Variants in IVD observed in about 807,000 individuals in gnomAD.
IVD encodes isovaleryl-CoA dehydrogenase.
A neutral mutation model predicts 51.3 loss-of-function variants in IVD; 31 were observed. That is an observed-to-expected ratio of 0.60 (90% confidence interval 0.45 to 0.81). The LOEUF (loss-of-function observed/expected upper bound fraction) is 0.81. Ranked by LOEUF, IVD falls within the 40% of genes least tolerant of loss-of-function variation. IVD has a pLI of 0.00. For missense variants in IVD, 475 were observed against 552.0 expected, an observed-to-expected ratio of 0.86 and a Z score of 1.40; for synonymous variants, 205 against 219.4, an observed-to-expected ratio of 0.93 and a Z score of 0.58.
At chr15:40,424,066 G>A (rs1420506410), downstream of IVD, 2 of 1,025,894 alleles carry the variant, frequency 1.9e-6, no homozygotes, top group Non-Finnish European at 2.6e-6. Flanking sequence ...CACTCTCAGA[G>A]GCTAGCCTGG....
At chr15:40,425,527 GTTTT>G (rs1027264066), downstream of IVD, among the ~76,000 whole-genome samples, 3 of 148,340 alleles carry the variant, frequency 2.0e-5, no homozygotes, top group Non-Finnish European at 3.0e-5. Flanking sequence ...TGTTTTCTTG[GTTTT>G]TTTGTTTGTT....
In IVD at chr15:40,420,208, T is replaced by C. The variant is rs1595805080; in HGVS notation, c.*1945T>C. The C allele has an allele frequency of 1.0e-6, 1 of 986,162 alleles. No individual in the cohort carries two copies. Among genetic ancestry groups the C allele is most frequent in the Non-Finnish European group, 1.2e-6 (1 of 830,146 alleles). 61.1% of individuals were successfully genotyped at this position (986,162 alleles called of 1,614,324 possible). A position where few individuals can be genotyped will look rare whatever the true frequency, so the allele number is the denominator to read the frequency against. On this transcript the variant is annotated 3_prime_UTR_variant, in exon 12 of 12. Coordinates refer to ENST00000487418, the MANE Select transcript of IVD (RefSeq NM_002225.5). ...GTACTGTTGGAAGACTGGCTCCTCC[T>C]GTACAGCACCTCTGAGCCCTTGTGC...
downstream of IVD, chr15:40,424,380 G>C (rs1367064839): frequency 3.2e-6 from 1 of 314,846 alleles, no homozygotes; most frequent in Non-Finnish European, 6.0e-6. Context: ...AGCTCTGGAA[G>C]TCCTTCCAGC....
chr15:40,406,166 C>T (rs1890387106), intron 1 of IVD, 195 bp downstream of exon 1: 5 of 1,538,772 alleles, frequency 3.2e-6, no homozygotes, highest in South Asian at 2.4e-5. Flanking sequence ...CTCGGCCTCA[C>T]GTCTGTGGAG....
intron 11 of IVD, among the ~76,000 whole-genome samples, chr15:40,417,662 A>G (rs1487122908): frequency 6.6e-6 from 1 of 152,184 alleles, no homozygotes; most frequent in Non-Finnish European, 1.5e-5. Context: ...TATGTGGGCT[A>G]CCTGCCCGTT....
At chr15:40,423,566 A>T (rs1198516719), downstream of IVD, among the ~76,000 whole-genome samples, 4 of 152,106 alleles carry the variant, frequency 2.6e-5, no homozygotes, top group African/African-American at 9.7e-5. Flanking sequence ...GGTTCTAGCG[A>T]TTCTTCTGCC....
Position 40,420,130 on chromosome 15 carries a change from C to T in IVD, c.*1867C>T. 1 of 975,092 alleles carries T rather than the reference C, an allele frequency of 1.0e-6. No individual in the cohort carries two copies. The highest frequency in any genetic ancestry group is 1.2e-6 in the Non-Finnish European group (1 of 826,222). The allele number at this position is 975,092 out of a possible 1,614,324, so 60.4% of individuals were successfully genotyped here. ...AAAATAATAATAAAATAAATGAACA[C>T]ACATGCTGCTGAGTCCGCAGGGGGG... is the stretch of plus-strand genomic sequence containing the variant. On this transcript the variant is annotated 3_prime_UTR_variant, in exon 12 of 12. Coordinates refer to ENST00000487418, the MANE Select transcript of IVD (RefSeq NM_002225.5).
At chr15:40,427,796 C>G (rs891095725), downstream of IVD, among the ~76,000 whole-genome samples, 2 of 152,164 alleles carry the variant, frequency 1.3e-5, no homozygotes, top group Non-Finnish European at 2.9e-5. Context: ...TCATAACTGG[C>G]CTGCATCCTG....
intron 8 of IVD, chr15:40,434,010 A>T (rs989429684): frequency 2.3e-6 from 1 of 437,886 alleles, no homozygotes; most frequent in African/African-American, 2.0e-5. Context: ...ATACCCATCC[A>T]TGTCTCTGTG....
chr15:40,413,046 C>G lies in IVD; in HGVS notation c.743C>G (p.Ser248Cys). The part of the protein sequence containing the change: ...KKLDKLGMRG[S>C]NTCELIFEDC... The stretch of plus-strand genomic sequence containing the variant: ...CTGGACAAGCTGGGGATGAGGGGCT[C>G]TAACACCTGTGAGCTAATCTTTGAA... Residue 248 changes from serine to cysteine, a missense_variant, in exon 7 of 12, where the codon TCT (serine) becomes TGT (cysteine). By Grantham distance (112) the Ser-to-Cys change is moderately radical. Transcript: ENST00000487418. The G allele has an allele frequency of 3.1e-6, 5 of 1,614,114 alleles. No homozygotes were observed. Among genetic ancestry groups the G allele is most frequent in the Non-Finnish European group, 4.2e-6 (5 of 1,179,996 alleles).
exon 9 of IVD, chr15:40,435,471 A>G: frequency 8.0e-7 from 1 of 1,249,610 alleles, no homozygotes; most frequent in African/African-American, 1.5e-5. Context: ...ACCCGAGGTC[A>G]GACGTCCCTG....
intron 8 of IVD, 145 bp from the exon 9 acceptor site, chr15:40,415,256 G>A: frequency 1.2e-6 from 1 of 813,130 alleles, no homozygotes; most frequent in Non-Finnish European, 2.1e-6. Flanking sequence ...TGCACCTCTG[G>A]CCAGTCAGTG....
Position 40,420,848 on chromosome 15 carries a change from G to A in IVD, c.*2585G>A. On this transcript the variant is annotated 3_prime_UTR_variant, in exon 12 of 12. Transcript: ENST00000487418. ...CACTGTACAGCAGTCTGGATAGAGT[G>A]TGATCTGAGAAGGGAATGGGTCTGG... 1 of 985,524 alleles carries A rather than the reference G, an allele frequency of 1.0e-6. No individual in the cohort carries two copies. The highest frequency in any genetic ancestry group is 1.2e-6 in the Non-Finnish European group (1 of 829,964). The allele number at this position is 985,524 out of a possible 1,614,324, so 61.0% of individuals were successfully genotyped here.
rs770627132 is a variant in IVD at position 40,419,999 on chromosome 15, A to C, written c.*1736A>C. The C allele has an allele frequency of 5.7e-6, 2 of 351,816 alleles. No individual in the cohort carries two copies. Among genetic ancestry groups the C allele is most frequent in the Non-Finnish European group, 8.0e-6 (2 of 250,656 alleles). 21.8% of individuals were successfully genotyped at this position (351,816 alleles called of 1,614,324 possible). On this transcript the variant is annotated 3_prime_UTR_variant, in exon 12 of 12. Transcript: ENST00000487418. ...CGCGCCTGTAATCCCAGTTACACAG[A>C]AGACTGAGGCAGGAGAATCGCTTGA...
At chr15:40,406,571 ATTGT>A (rs1472457391) in intron 1 of IVD, among the ~76,000 whole-genome samples, 1 of 151,952 alleles carries the variant, frequency 6.6e-6, no homozygotes, top group Non-Finnish European at 1.5e-5. Context: ...AGGTGGGAGG[ATTGT>A]TTGAGCTCAG....
chr15:40,407,654 A>G lies in IVD; in HGVS notation c.163A>G (p.Lys55Glu). 1 of 1,614,098 alleles carries G rather than the reference A, an allele frequency of 6.2e-7. No individual in the cohort carries two copies. The highest frequency in any genetic ancestry group is 8.5e-7 in the Non-Finnish European group (1 of 1,179,968). ...CTATTAGCTTCGTCAGACCATGGCT[A>G]AGTTCCTTCAGGAGCACCTGGCCCC... ...EQRQLRQTMA[K>E]FLQEHLAPKA... The change falls in exon 2 of 12, where the codon AAG becomes GAG. Residue 55 changes from lysine to glutamate, a missense_variant. Transcript: ENST00000487418.
In IVD at chr15:40,415,497, T is replaced by C; in HGVS notation, c.960+15T>C. 1.9e-6 allele frequency: 3 copies of C among 1,609,892 alleles called. No homozygotes were observed. The highest frequency in any genetic ancestry group is 2.5e-6 in the Non-Finnish European group (3 of 1,176,544). On this transcript the variant is annotated intron_variant, in intron 9 of 11. Coordinates refer to ENST00000487418, the MANE Select transcript of IVD (RefSeq NM_002225.5). ...GCCACTTCCAGGTGAGCCGAGTGCT[T>C]TTGCTGACATGTACTCTTCAACTGG... is the stretch of plus-strand genomic sequence containing the variant.
downstream of IVD, among the ~76,000 whole-genome samples, chr15:40,424,914 T>G (rs562429975): frequency 7.1e-4 from 108 of 152,328 alleles, 1 homozygote; most frequent in African/African-American, 2.4e-3. Context: ...AGCCCTGGCC[T>G]AATCCCAGCA....
At chr15:40,412,700 G>A in intron 6 of IVD, 3 of 421,104 alleles carry the variant, frequency 7.1e-6, no homozygotes, top group Non-Finnish European at 8.9e-6. Flanking sequence ...CTGGGGGAGG[G>A]AAATAAGGCC....
Sources: allele counts gnomAD v4.1 joint callset (sites outside exome capture counted in the v4.1 genomes callset), GRCh38; gene constraint gnomAD v4.1.1; transcripts MANE v1.5; gene names NCBI Gene and HGNC (gene_info 2026-07-23, HGNC 2026-07-21).